The following MED12L variants were observed in gnomAD, a reference collection of about 807,000 sequenced individuals.
MED12L encodes the protein mediator complex subunit 12L, also known as mediator of RNA polymerase II transcription subunit 12-like protein.
MED12L carries 60 observed loss-of-function variants against 281.3 expected under a neutral mutation model. That is an observed-to-expected ratio of 0.21 (90% confidence interval 0.17 to 0.26). The LOEUF (loss-of-function observed/expected upper bound fraction) is 0.26. MED12L is among the 10% of genes least tolerant of loss of function. MED12L has a pLI of 1.00. For missense variants in MED12L, 2,146 were observed against 2,680.9 expected (o/e 0.80, Z 4.41); for synonymous variants, 974 against 987.2 (o/e 0.99, Z 0.25).
At chr3:151,417,723 G>T (rs1312281681) in intron 43 of MED12L, among the ~76,000 whole-genome samples, 1 of 151,990 alleles carries the variant, frequency 6.6e-6, no homozygotes, top group African/African-American at 2.4e-5. Flanking sequence ...ACCCACTTTG[G>T]CCTCCCAAAA....
At chr3:151,124,947 CAG>C (rs1440858033) in intron 4 of MED12L, among the ~76,000 whole-genome samples, 6 of 152,202 alleles carry the variant, frequency 3.9e-5, no homozygotes, top group African/African-American at 7.2e-5. Flanking sequence ...GCTTAGCAAA[CAG>C]AGGATGCAGT....
chr3:151,304,234 A>G (rs1235638567), intron 16 of MED12L, among the ~76,000 whole-genome samples: 1 of 152,152 alleles, frequency 6.6e-6, no homozygotes, highest in Non-Finnish European at 1.5e-5. Context: ...AGATAGATAA[A>G]GGATTAATGG....
At chr3:151,121,881 AT>A (rs35098561) in intron 3 of MED12L, among the ~76,000 whole-genome samples, 50 of 146,298 alleles carry the variant, frequency 3.4e-4, no homozygotes, top group East Asian at 1.0e-3. Flanking sequence ...CTAATTTTGT[AT>A]TTTTTTTTTT....
chr3:151,191,977 G>C (rs1293087065), intron 14 of MED12L, among the ~76,000 whole-genome samples: 1 of 151,926 alleles, frequency 6.6e-6, no homozygotes, highest in East Asian at 1.9e-4. Context: ...TAAAACAGTA[G>C]CTATACTTAC....
At chr3:151,341,573 T>TG (rs1751824664) in intron 16 of MED12L, among the ~76,000 whole-genome samples, 5 of 151,308 alleles carry the variant, frequency 3.3e-5, no homozygotes, top group Admixed American at 3.3e-4. Flanking sequence ...TAACTTTTTT[T>TG]TTTTAATTTT....
intron 16 of MED12L, among the ~76,000 whole-genome samples, chr3:151,259,219 G>A (rs568671498): frequency 6.6e-6 from 1 of 152,304 alleles, no homozygotes; most frequent in Non-Finnish European, 1.5e-5. Flanking sequence ...ACAACTCTCT[G>A]AGAACAATGG....
intron 32 of MED12L, among the ~76,000 whole-genome samples, chr3:151,380,649 C>T (rs1336771502): frequency 2.0e-5 from 3 of 150,794 alleles, no homozygotes; most frequent in Non-Finnish European, 4.4e-5. Context: ...TTTGAGTAGA[C>T]GCTGAGAAAC....
chr3:151,355,019 A>G (rs1300349821), intron 17 of MED12L, 102 bp from the exon 18 acceptor site: 1 of 785,598 alleles, frequency 1.3e-6, no homozygotes, highest in South Asian at 1.5e-5. Flanking sequence ...GAATTTGTGC[A>G]CTTTTCTGTA....
intron 16 of MED12L, among the ~76,000 whole-genome samples, chr3:151,217,832 G>A (rs1025637183): frequency 2.0e-5 from 3 of 151,994 alleles, no homozygotes; most frequent in East Asian, 3.9e-4. Flanking sequence ...ACTGTCTTAC[G>A]GGTTCAAGTG....
At chr3:151,162,629 G>A (rs1311625349) in intron 8 of MED12L, among the ~76,000 whole-genome samples, 3 of 151,438 alleles carry the variant, frequency 2.0e-5, no homozygotes, top group Non-Finnish European at 4.4e-5. Context: ...CTTAGAGATG[G>A]GGTTTCACTG....
intron 39 of MED12L, among the ~76,000 whole-genome samples, chr3:151,407,160 C>T (rs1404107280): frequency 6.6e-6 from 1 of 152,046 alleles, no homozygotes; most frequent in Non-Finnish European, 1.5e-5. Context: ...GAATATTGCC[C>T]AATAGCTCAG....
At chr3:151,147,207 C>G (rs1418696759) in intron 5 of MED12L, among the ~76,000 whole-genome samples, 4 of 152,160 alleles carry the variant, frequency 2.6e-5, no homozygotes, top group African/African-American at 9.7e-5. Flanking sequence ...TCTGTCTCCC[C>G]CCACCTGTGA....
rs375102563 is a variant in MED12L at position 151,348,560 on chromosome 3, T to G, written c.2251-1499T>G. ...AATAAGAACAGCTTCTAAGAGAAAC[T>G]CGCTCCTAGCTTCTTTTTTTTTTTT... On this transcript the variant is annotated intron_variant, in intron 16 of 44. Transcript: ENST00000687756. Among the ~76,000 whole-genome samples the G allele has an allele frequency of 9.3e-5, 14 of 151,100 alleles. No individual in the cohort carries two copies. The East Asian group carries it at 2.1e-3, about 23-fold the overall frequency.
chr3:151,091,923 A>T (rs1720100178), intron 2 of MED12L, among the ~76,000 whole-genome samples: 1 of 152,160 alleles, frequency 6.6e-6, no homozygotes, highest in Non-Finnish European at 1.5e-5. Flanking sequence ...AAATGAGCTA[A>T]TGTATGCAAA....
chr3:151,292,581 C>CT (rs1020243774), intron 16 of MED12L, among the ~76,000 whole-genome samples: 2 of 149,998 alleles, frequency 1.3e-5, no homozygotes, highest in Non-Finnish European at 1.5e-5. Context: ...TGCTCCTCTT[C>CT]TTTTTTTTGA....
chr3:151,300,836 G>A (rs902203157), intron 16 of MED12L, among the ~76,000 whole-genome samples: 1 of 152,222 alleles, frequency 6.6e-6, no homozygotes, highest in Non-Finnish European at 1.5e-5. Context: ...GGAGGCAGGA[G>A]TATGTGTAAG....
At chr3:151,128,926 G>C (rs992328883) in intron 5 of MED12L, among the ~76,000 whole-genome samples, 2 of 152,228 alleles carry the variant, frequency 1.3e-5, no homozygotes, top group African/African-American at 4.8e-5. Context: ...GCCATGGTCA[G>C]TATTTTGAGT....
At chr3:151,169,843 T>G (rs1721204638) in intron 11 of MED12L, among the ~76,000 whole-genome samples, 1 of 152,212 alleles carries the variant, frequency 6.6e-6, no homozygotes, top group African/African-American at 2.4e-5. Flanking sequence ...TCAACTTCTG[T>G]AGTTGCAATA....
chr3:151,425,857 T>TAAC (rs1285537126), intron 43 of MED12L: 6 of 418,290 alleles, frequency 1.4e-5, no homozygotes, highest in Non-Finnish European at 2.4e-5. Flanking sequence ...GAATGGATGA[T>TAAC]AACTTCAGCT....
Sources: allele counts gnomAD v4.1 joint callset (sites outside exome capture counted in the v4.1 genomes callset), GRCh38; gene constraint gnomAD v4.1.1; transcripts MANE v1.5; gene names NCBI Gene and HGNC (gene_info 2026-07-23, HGNC 2026-07-21).